Variants in MDH2 observed in about 807,000 individuals in gnomAD.
The protein encoded by MDH2 is malate dehydrogenase 2, also known as malate dehydrogenase, mitochondrial.
A neutral mutation model predicts 33.6 loss-of-function variants in MDH2; 25 were observed. The ratio of observed to expected loss-of-function variants is 0.74; its 90% CI spans 0.54 to 1.04. MDH2 has a LOEUF of 1.04. Among genes scored for constraint, MDH2 ranks in the 50% least tolerant of loss-of-function variants. MDH2 has a pLI of 0.00. For synonymous variants in MDH2, 193 were observed against 188.7 expected (o/e 1.02, Z -0.19); for missense variants, 432 against 445.0 (o/e 0.97, Z 0.26).
intron 1 of MDH2, 103 bp downstream of exon 1, chr7:76,048,329 C>T (rs1797396461): frequency 7.1e-6 from 10 of 1,404,338 alleles, no homozygotes; most frequent in Non-Finnish European, 9.4e-6. Context: ...CCAGCCTGGA[C>T]CGCAGGGATG....
At chr7:76,062,517 C>A (rs964187329) in intron 5 of MDH2, among the ~76,000 whole-genome samples, 5 of 152,254 alleles carry the variant, frequency 3.3e-5, no homozygotes, top group African/African-American at 1.2e-4. Context: ...AGACCAGGCT[C>A]ATTTTCCAAC....
At chr7:76,064,225 C>T (rs2116699458) in intron 6 of MDH2, 114 bp from the exon 7 acceptor site, 1 of 685,212 alleles carries the variant, frequency 1.5e-6, no homozygotes, top group South Asian at 2.1e-5. Flanking sequence ...AAAACCTTTC[C>T]CATGCCCTGG....
intron 1 of MDH2, among the ~76,000 whole-genome samples, chr7:76,049,571 G>T (rs978400438): frequency 6.6e-6 from 1 of 152,104 alleles, no homozygotes; most frequent in Non-Finnish European, 1.5e-5. Flanking sequence ...GATGAGGTGT[G>T]GGGGAGGGGC....
intron 1 of MDH2, among the ~76,000 whole-genome samples, chr7:76,053,102 G>C (rs1797671300): frequency 6.6e-6 from 1 of 152,228 alleles, no homozygotes; most frequent in African/African-American, 2.4e-5. Context: ...ATAGAATGAA[G>C]AGGAGGAGCG....
chr7:76,055,597 C>T (rs535559021), intron 2 of MDH2, among the ~76,000 whole-genome samples: 18 of 151,330 alleles, frequency 1.2e-4, no homozygotes, highest in African/African-American at 4.4e-4. Context: ...ATTAGCTGGG[C>T]GTGATAGTGC....
Position 76,058,093 on chromosome 7 carries a change from A to T in MDH2, c.429+15A>T. On this transcript the variant is annotated intron_variant, in intron 4 of 8. Transcript: ENST00000315758. Reference sequence around the variant, plus strand: ...TTGCCAATCCGGTGAGTGTGGCAGCACCCGGCTCTTGCAGCTATGGCAGGT... The same window carrying T: ...TTGCCAATCCGGTGAGTGTGGCAGCTCCCGGCTCTTGCAGCTATGGCAGGT... 1 of 1,605,606 alleles carries T rather than the reference A, an allele frequency of 6.2e-7. No individual in the cohort carries two copies. The highest frequency in any genetic ancestry group is 8.5e-7 in the Non-Finnish European group (1 of 1,175,204).
intron 5 of MDH2, among the ~76,000 whole-genome samples, chr7:76,063,191 C>CG (rs143960842): frequency 4.7e-4 from 71 of 152,020 alleles, no homozygotes; most frequent in South Asian, 1.0e-3. Context: ...ATGCCAGGCC[C>CG]GGGGGGGGCC....
chr7:76,060,749 A>G (rs1797924396), intron 5 of MDH2, among the ~76,000 whole-genome samples: 1 of 151,736 alleles, frequency 6.6e-6, no homozygotes, highest in Non-Finnish European at 1.5e-5. Flanking sequence ...CCTTCTCGCC[A>G]AGAGCACTGT....
At chr7:76,063,191 C>T (rs112803132) in intron 5 of MDH2, among the ~76,000 whole-genome samples, 2,026 of 152,020 alleles carry the variant, frequency 0.013, 43 homozygotes, top group African/African-American at 0.047. Flanking sequence ...ATGCCAGGCC[C>T]GGGGGGGGCC....
chr7:76,067,424 C>T lies in MDH2; in HGVS notation c.*1014C>T, dbSNP rs1554588125. 3 of 152,074 alleles carry T rather than the reference C, an allele frequency of 2.0e-5. No homozygotes were observed. The highest frequency in any genetic ancestry group is 6.5e-5 in the Admixed American group (1 of 15,272). 9.4% of individuals were successfully genotyped at this position (152,074 alleles called of 1,614,324 possible). A position where few individuals can be genotyped will look rare whatever the true frequency, so the allele number is the denominator to read the frequency against. ...TGGATTTTATCATAAAGGATGACAT[C>T]GTTTTCTTCTACAATTAATACATGT... is the stretch of plus-strand genomic sequence containing the variant. On this transcript the variant is annotated 3_prime_UTR_variant, in exon 9 of 9. Transcript: ENST00000315758.
chr7:76,067,195 A>T lies in MDH2; in HGVS notation c.*785A>T, dbSNP rs528445886. On this transcript the variant is annotated 3_prime_UTR_variant, in exon 9 of 9. Transcript: ENST00000315758. ...AGGAGTGCGGAATTAAAGAGATTTG[A>T]CTCCCTTTAGTATTGGGGGCAGTCC... The T allele has an allele frequency of 1.3e-5, 2 of 151,970 alleles. No individual in the cohort carries two copies. The highest frequency in any genetic ancestry group is 6.6e-5 in the Admixed American group (1 of 15,248). 9.4% of individuals were successfully genotyped at this position (151,970 alleles called of 1,614,324 possible). A position where few individuals can be genotyped will look rare whatever the true frequency, so the allele number is the denominator to read the frequency against.
intron 4 of MDH2, among the ~76,000 whole-genome samples, chr7:76,060,021 C>T (rs1326278834): frequency 6.6e-6 from 1 of 152,146 alleles, no homozygotes; most frequent in Non-Finnish European, 1.5e-5. Context: ...TTCCTTGGAG[C>T]ACACAGCCGC....
In MDH2 at chr7:76,057,999, A is replaced by G. The variant is rs782678758; in HGVS notation, c.350A>G (p.Asn117Ser). 16 of 1,614,024 alleles carry G rather than the reference A, an allele frequency of 9.9e-6. No homozygotes were observed. The Admixed American group carries it at 1.0e-4, about 10-fold the overall frequency. Residue 117 changes from asparagine (N) to serine (S), a missense_variant, in exon 4 of 9, where the codon AAT becomes AGT. Transcript: ENST00000315758. Reference sequence around the variant, plus strand: ...ACCCGGGACGACCTGTTCAACACCAATGCCACGATTGTGGCCACCCTGACC... The same window carrying G: ...ACCCGGGACGACCTGTTCAACACCAGTGCCACGATTGTGGCCACCCTGACC... ...GMTRDDLFNT[N>S]ATIVATLTAA...
chr7:76,064,239 T>G, intron 6 of MDH2, 100 bp from the exon 7 acceptor site: 11 of 744,666 alleles, frequency 1.5e-5, no homozygotes, highest in Non-Finnish European at 1.9e-5. Flanking sequence ...GCCCTGGTGA[T>G]GGGAGGGAGA....
intron 1 of MDH2, chr7:76,054,542 C>G: frequency 5.0e-6 from 2 of 403,044 alleles, no homozygotes; most frequent in East Asian, 1.3e-4. Flanking sequence ...GCTGCTGTTA[C>G]CAGTCCAGCT....
At chr7:76,059,736 C>T (rs1157779851) in intron 4 of MDH2, among the ~76,000 whole-genome samples, 1 of 152,184 alleles carries the variant, frequency 6.6e-6, no homozygotes, top group African/African-American at 2.4e-5. Flanking sequence ...CCTGCGTTCC[C>T]CAGAAGCTCC....
At chr7:76,050,240 G>A (rs1367912059) in intron 1 of MDH2, among the ~76,000 whole-genome samples, 1 of 152,230 alleles carries the variant, frequency 6.6e-6, no homozygotes, top group African/African-American at 2.4e-5. Flanking sequence ...ATGTTGGCCA[G>A]GCTGGTCTCA....
rs543848572 is a variant in MDH2, at chr7:76,058,812, A to G, written c.429+734A>G. On this transcript the variant is annotated intron_variant, in intron 4 of 8. Transcript: ENST00000315758. ...GGAACACAAGCATCATGATCCCTCA[A>G]CAGCTGATCTGATAACCAAAATGGC... Among the ~76,000 whole-genome samples the G allele has an allele frequency of 2.8e-4, 43 of 152,280 alleles. 1 individual carries two copies. In the South Asian group the frequency reaches 7.7e-3, roughly 27 times the overall value.
intron 4 of MDH2, among the ~76,000 whole-genome samples, chr7:76,058,756 TG>T (rs1797860402): frequency 6.6e-6 from 1 of 152,230 alleles, no homozygotes; most frequent in Non-Finnish European, 1.5e-5. Context: ...TCTTGCGCTT[TG>T]GGGCCATTGT....
Sources: allele counts gnomAD v4.1 joint callset (sites outside exome capture counted in the v4.1 genomes callset), GRCh38; gene constraint gnomAD v4.1.1; transcripts MANE v1.5; gene names NCBI Gene and HGNC (gene_info 2026-07-23, HGNC 2026-07-21).